Variants in LNX1 observed in about 807,000 individuals in gnomAD.
LNX1 encodes ligand of numb-protein X 1.
In LNX1, 54 loss-of-function variants were observed where a neutral mutation model predicts 68.4. That is an observed-to-expected ratio of 0.79 (90% confidence interval 0.63 to 0.99). The LOEUF is 0.99. LNX1 is among the 50% of genes least tolerant of loss of function. The probability of loss-of-function intolerance (pLI) is 0.00; values close to 1 mark genes in which losing one functional copy is unlikely to be tolerated. For synonymous variants in LNX1, 336 were observed against 350.0 expected (o/e 0.96, Z 0.45); for missense variants, 906 against 926.4 (o/e 0.98, Z 0.29).
intron 2 of LNX1, among the ~76,000 whole-genome samples, chr4:53,545,095 T>C (rs552169047): frequency 4.6e-5 from 7 of 152,204 alleles, no homozygotes; most frequent in Non-Finnish European, 1.0e-4. Flanking sequence ...TAAGATCCCT[T>C]TGATCCTTTG....
intron 1 of LNX1, among the ~76,000 whole-genome samples, chr4:53,645,329 G>C (rs1467625320): frequency 6.6e-6 from 1 of 152,184 alleles, no homozygotes; most frequent in African/African-American, 2.4e-5. Flanking sequence ...GAGTTTGGCA[G>C]AGCCCTCTTG....
intron 9 of LNX1, among the ~76,000 whole-genome samples, chr4:53,463,580 T>C (rs1197095806): frequency 2.0e-5 from 3 of 152,076 alleles, no homozygotes; most frequent in Non-Finnish European, 2.9e-5. Context: ...CTTTAAACTT[T>C]GAATGTGAAT....
At chr4:53,506,689 T>C (rs759295848) in intron 4 of LNX1, among the ~76,000 whole-genome samples, 6 of 151,580 alleles carry the variant, frequency 4.0e-5, no homozygotes, top group African/African-American at 7.3e-5. Flanking sequence ...ACCCCGTCTC[T>C]ACTAAAAAAT....
intron 2 of LNX1, among the ~76,000 whole-genome samples, chr4:53,530,773 T>C (rs755742756): frequency 8.5e-5 from 13 of 152,208 alleles, no homozygotes; most frequent in Non-Finnish European, 1.8e-4. Flanking sequence ...CAGTTAAAAC[T>C]ATAATTTTTG....
chr4:53,509,275 T>G (rs1026620201), intron 2 of LNX1, among the ~76,000 whole-genome samples: 1 of 152,246 alleles, frequency 6.6e-6, no homozygotes, highest in Non-Finnish European at 1.5e-5. Context: ...ATAATGGATG[T>G]GTTAATTATA....
chr4:53,495,775 C>A (rs1725007909), intron 6 of LNX1, among the ~76,000 whole-genome samples: 2 of 152,150 alleles, frequency 1.3e-5, no homozygotes, highest in African/African-American at 4.8e-5. Context: ...AACTCCTGAC[C>A]TCATGTGATA....
chr4:53,606,644 A>G (rs1733247060), intron 2 of LNX1, among the ~76,000 whole-genome samples: 1 of 152,140 alleles, frequency 6.6e-6, no homozygotes. Context: ...CCTGGCAGAC[A>G]TACAATAAAA....
chr4:53,529,524 C>A (rs1472114210), intron 2 of LNX1, among the ~76,000 whole-genome samples: 1 of 152,160 alleles, frequency 6.6e-6, no homozygotes, highest in South Asian at 2.1e-4. Context: ...AGAGAAGGGA[C>A]ATTGGTGGCA....
chr4:53,505,991 G>C (rs1340416651), intron 4 of LNX1, among the ~76,000 whole-genome samples: 1 of 152,184 alleles, frequency 6.6e-6, no homozygotes, highest in Non-Finnish European at 1.5e-5. Flanking sequence ...TACGTGCAGG[G>C]TGAGAGGCAA....
rs567747546 is a variant in LNX1, at chr4:53,466,609, G to A, written c.1893-5016C>T. 4.9e-4 allele frequency among the ~76,000 whole-genome samples: 75 copies of A among 152,286 alleles called. 1 individual carries two copies. Among genetic ancestry groups the A allele is most frequent in the African/African-American group, 1.6e-3 (65 of 41,556 alleles). On this transcript the variant is annotated intron_variant, in intron 9 of 10. Coordinates refer to ENST00000263925, the MANE Select transcript of LNX1 (RefSeq NM_001126328.3). ...CTAGTCAAAGAAAGGGGTGACAGACGGCACCTGGAAAATCGGGTCACTTCC... is the reference window on the plus strand; with the variant it reads ...CTAGTCAAAGAAAGGGGTGACAGACAGCACCTGGAAAATCGGGTCACTTCC...
chr4:53,603,615 G>A (rs1733108217), intron 2 of LNX1: 1 of 152,530 alleles, frequency 6.6e-6, no homozygotes, highest in Admixed American at 6.5e-5. Context: ...AGAAGGCAAA[G>A]GGGAACCCAT....
At chr4:53,482,260 A>G (rs1723965044) in intron 6 of LNX1, among the ~76,000 whole-genome samples, 1 of 152,244 alleles carries the variant, frequency 6.6e-6, no homozygotes, top group South Asian at 2.1e-4. Flanking sequence ...TACACAGTAA[A>G]GAAAAAGAGA....
At chr4:53,502,262 C>G (rs1428711051) in intron 4 of LNX1, among the ~76,000 whole-genome samples, 1 of 152,090 alleles carries the variant, frequency 6.6e-6, no homozygotes, top group African/African-American at 2.4e-5. Context: ...CTGCTATGGT[C>G]ATTAATTTAT....
chr4:53,505,678 C>T (rs1725822230), intron 4 of LNX1, among the ~76,000 whole-genome samples: 1 of 152,184 alleles, frequency 6.6e-6, no homozygotes, highest in Non-Finnish European at 1.5e-5. Context: ...CACTTATGTG[C>T]CAGACACTGT....
intron 1 of LNX1, among the ~76,000 whole-genome samples, chr4:53,581,124 A>G (rs1182783776): frequency 6.6e-6 from 1 of 152,192 alleles, no homozygotes; most frequent in Non-Finnish European, 1.5e-5. Flanking sequence ...TACTTGAAAA[A>G]GGAAAGTATC....
chr4:53,511,158 G>A (rs1726303588), intron 2 of LNX1, among the ~76,000 whole-genome samples: 1 of 152,148 alleles, frequency 6.6e-6, no homozygotes, highest in African/African-American at 2.4e-5. Context: ...GTGTAATAAA[G>A]GTTCTGCTAA....
chr4:53,586,759 T>C (rs1214585183), intron 1 of LNX1, among the ~76,000 whole-genome samples: 1 of 152,186 alleles, frequency 6.6e-6, no homozygotes, highest in Non-Finnish European at 1.5e-5. Flanking sequence ...AAATCTCAAA[T>C]TGGTGGATCA....
intron 2 of LNX1, among the ~76,000 whole-genome samples, chr4:53,571,558 G>C (rs537430148): frequency 6.6e-6 from 1 of 152,116 alleles, no homozygotes; most frequent in South Asian, 2.1e-4. Context: ...GCAAGGAAAG[G>C]GATTCTCCCC....
intron 4 of LNX1, among the ~76,000 whole-genome samples, chr4:53,501,321 C>T (rs1454732873): frequency 1.5e-5 from 2 of 130,974 alleles, no homozygotes; most frequent in Non-Finnish European, 3.1e-5. Context: ...GACAGGATCT[C>T]ACTCTGTCAC....
Sources: gnomAD v4.1 joint callset for allele counts (sites outside exome capture counted in the v4.1 genomes callset) on GRCh38, gnomAD v4.1.1 for gene constraint, MANE v1.5 for transcripts, NCBI Gene and HGNC (gene_info 2026-07-23, HGNC 2026-07-21) for gene names.